Variants in HIBADH observed in about 807,000 individuals in gnomAD.
HIBADH encodes 3-hydroxyisobutyrate dehydrogenase, mitochondrial.
HIBADH carries 25 observed loss-of-function variants against 36.1 expected under a neutral mutation model. The ratio of observed to expected loss-of-function variants is 0.69; its 90% confidence interval spans 0.50 to 0.97. The LOEUF (loss-of-function observed/expected upper bound fraction) is 0.97, where lower values mean the gene tolerates loss of function less well. Among genes scored for constraint, HIBADH ranks in the 50% least tolerant of loss-of-function variants. The pLI is 0.00. For missense variants in HIBADH, 421 were observed against 418.0 expected (o/e 1.01, Z -0.06); for synonymous variants, 160 against 149.5 (o/e 1.07, Z -0.51).
chr7:27,593,694 G>A (rs1028086460), intron 4 of HIBADH, among the ~76,000 whole-genome samples: 8 of 151,908 alleles, frequency 5.3e-5, no homozygotes, highest in Non-Finnish European at 7.4e-5. Context: ...AAGAAAGAGA[G>A]ATAAAACTTA....
At chr7:27,553,954 T>C (rs927184752) in intron 4 of HIBADH, among the ~76,000 whole-genome samples, 4 of 152,186 alleles carry the variant, frequency 2.6e-5, no homozygotes, top group African/African-American at 9.6e-5. Flanking sequence ...ATTCAAGCGA[T>C]TCTCCTGCCT....
At chr7:27,552,054 C>T (rs1784326213) in intron 4 of HIBADH, among the ~76,000 whole-genome samples, 1 of 152,184 alleles carries the variant, frequency 6.6e-6, no homozygotes, top group Admixed American at 6.5e-5. Flanking sequence ...ACTCAACGAA[C>T]AATATAATCC....
At chr7:27,616,328 C>G (rs915425215) in intron 4 of HIBADH, among the ~76,000 whole-genome samples, 1 of 152,190 alleles carries the variant, frequency 6.6e-6, no homozygotes, top group Non-Finnish European at 1.5e-5. Flanking sequence ...TCCTCCAACA[C>G]TGGGGATCAA....
intron 1 of HIBADH, among the ~76,000 whole-genome samples, chr7:27,650,657 T>A (rs1423431169): frequency 6.7e-6 from 1 of 148,882 alleles, no homozygotes; most frequent in Admixed American, 6.7e-5. Flanking sequence ...CATGCCTGGC[T>A]AATTTTTGTC....
rs182962141 is a variant in HIBADH at position 27,532,080 on chromosome 7, A to G, written c.696-732T>C. On this transcript the variant is annotated intron_variant, in intron 6 of 7. Transcript: ENST00000265395. ...ATCCTGATAAAACAAAGCTTGCCCA[A>G]GCAGAAACATCATTTGTTCTATCAC... Among the ~76,000 whole-genome samples the G allele has an allele frequency of 1.4e-4, 22 of 152,306 alleles. No individual in the cohort carries two copies. In the East Asian group the frequency reaches 4.1e-3, roughly 28 times the overall value.
chr7:27,576,241 T>G (rs879482475), intron 4 of HIBADH, among the ~76,000 whole-genome samples: 1 of 152,184 alleles, frequency 6.6e-6, no homozygotes, highest in African/African-American at 2.4e-5. Context: ...AAAACTTTAT[T>G]TCCAAAAACT....
intron 4 of HIBADH, among the ~76,000 whole-genome samples, chr7:27,568,272 T>C (rs1303483112): frequency 1.3e-5 from 2 of 152,214 alleles, no homozygotes; most frequent in Non-Finnish European, 1.5e-5. Context: ...TGAATATCTC[T>C]ATTTCATCTT....
intron 4 of HIBADH, among the ~76,000 whole-genome samples, chr7:27,589,484 C>A (rs527500826): frequency 6.6e-6 from 1 of 152,270 alleles, no homozygotes; most frequent in African/African-American, 2.4e-5. Context: ...TCAGTACATA[C>A]TGTGGATCAG....
chr7:27,606,171 G>C (rs914868263), intron 4 of HIBADH, among the ~76,000 whole-genome samples: 2 of 152,024 alleles, frequency 1.3e-5, no homozygotes, highest in African/African-American at 2.4e-5. Context: ...TTTAAATATG[G>C]GGGAGGGGGT....
intron 4 of HIBADH, among the ~76,000 whole-genome samples, chr7:27,610,361 G>A (rs1409560618): frequency 2.0e-5 from 3 of 152,038 alleles, no homozygotes; most frequent in African/African-American, 7.2e-5. Flanking sequence ...ACCTCCAAAA[G>A]TTTCCTCATG....
intron 4 of HIBADH, among the ~76,000 whole-genome samples, chr7:27,590,099 C>A (rs1784918746): frequency 6.6e-6 from 1 of 152,082 alleles, no homozygotes; most frequent in Admixed American, 6.6e-5. Flanking sequence ...TTGATTTTCA[C>A]AAAAAGTCAG....
At chr7:27,615,382 T>C (rs1352486618) in intron 4 of HIBADH, among the ~76,000 whole-genome samples, 1 of 152,330 alleles carries the variant, frequency 6.6e-6, no homozygotes, top group East Asian at 1.9e-4. Flanking sequence ...GATTTTTCCA[T>C]CTATAAAATG....
chr7:27,643,963 C>G (rs561334573), intron 2 of HIBADH, among the ~76,000 whole-genome samples: 59 of 152,314 alleles, frequency 3.9e-4, no homozygotes, highest in African/African-American at 1.3e-3. Flanking sequence ...CCACGATGAT[C>G]TCATCTTAAC....
chr7:27,628,659 T>C (rs533090854), intron 4 of HIBADH, among the ~76,000 whole-genome samples: 14 of 152,244 alleles, frequency 9.2e-5, no homozygotes, highest in Admixed American at 2.0e-4. Context: ...GTAAATTATA[T>C]GCACAGATTT....
intron 1 of HIBADH, among the ~76,000 whole-genome samples, chr7:27,654,687 A>AT (rs1786265388): frequency 2.0e-5 from 2 of 99,116 alleles, no homozygotes; most frequent in East Asian, 4.3e-4. Flanking sequence ...TATGTTTACC[A>AT]TTTTTTTGTG....
Position 27,601,457 on chromosome 7 carries a change from G to A in HIBADH, c.484+27914C>T, listed in dbSNP as rs1006498927. Among the ~76,000 whole-genome samples, 4 of 151,868 alleles carry A rather than the reference G, an allele frequency of 2.6e-5. No individual in the cohort carries two copies. The East Asian group carries it at 5.8e-4, about 22-fold the overall frequency. On this transcript the variant is annotated intron_variant, in intron 4 of 7. Transcript: ENST00000265395. Reference sequence around the variant, plus strand: ...GATACACTGTTAATCATGTATTAACGTTAAATACCTATACTATAAACGTGC... The same window carrying A: ...GATACACTGTTAATCATGTATTAACATTAAATACCTATACTATAAACGTGC...
chr7:27,642,159 C>T (rs897301873), intron 2 of HIBADH, among the ~76,000 whole-genome samples: 5 of 152,168 alleles, frequency 3.3e-5, no homozygotes, highest in Non-Finnish European at 4.4e-5. Flanking sequence ...AAAAGGAAAA[C>T]CCAGTAACTG....
At chr7:27,541,766 TA>T in intron 5 of HIBADH, 4 of 426,226 alleles carry the variant, frequency 9.4e-6, no homozygotes, top group South Asian at 3.4e-5. Context: ...CTAAACATGA[TA>T]AAAAAATACA....
intron 4 of HIBADH, among the ~76,000 whole-genome samples, chr7:27,610,851 T>A (rs915244151): frequency 2.6e-5 from 4 of 152,190 alleles, no homozygotes; most frequent in Non-Finnish European, 1.5e-5. Flanking sequence ...TTTTTTGTGG[T>A]CCTTTTACCA....
Sources: allele counts gnomAD v4.1 joint callset (sites outside exome capture counted in the v4.1 genomes callset), GRCh38; gene constraint gnomAD v4.1.1; transcripts MANE v1.5; gene names NCBI Gene and HGNC (gene_info 2026-07-23, HGNC 2026-07-21).